The following RBM26 variants were observed in gnomAD, a reference collection of about 807,000 sequenced individuals.
The protein encoded by RBM26 is RNA binding motif protein 26, also known as RNA-binding protein 26.
Under a neutral mutation model 123.6 loss-of-function variants are expected in RBM26, and 30 were observed. The ratio of observed to expected loss-of-function variants is 0.24; its 90% confidence interval spans 0.18 to 0.33. The LOEUF is 0.33. Among genes scored for constraint, RBM26 ranks in the 10% least tolerant of loss-of-function variants. The pLI is 1.00. For synonymous variants in RBM26, 400 were observed against 404.4 expected (o/e 0.99, Z 0.13); for missense variants, 947 against 1,203.6 (o/e 0.79, Z 3.15).
At position 79,346,110 on chromosome 13, in the gene RBM26, T is replaced by C. The variant is rs373849472; in HGVS notation, c.2059-1316A>G. 3.4e-4 allele frequency among the ~76,000 whole-genome samples: 52 copies of C among 152,232 alleles called. No homozygotes were observed. The South Asian group carries it at 9.5e-3, about 28-fold the overall frequency. On this transcript the variant is annotated intron_variant, in intron 14 of 21. Transcript: ENST00000438737. ...TAAAAGAACTACTCAAGTTTAAGAGTATAAATGAGAAAAGTGGCCCTATTT... is the reference window on the plus strand; with the variant it reads ...TAAAAGAACTACTCAAGTTTAAGAGCATAAATGAGAAAAGTGGCCCTATTT...
Position 79,337,237 on chromosome 13 carries a change from T to A in RBM26, c.2598A>T (p.Ala866=). The A allele has an allele frequency of 6.2e-7, 1 of 1,614,176 alleles. No homozygotes were observed. Residue 866 remains alanine, a synonymous_variant, in exon 19 of 22, where the codon GCA becomes GCT. Coordinates refer to ENST00000438737, the MANE Select transcript of RBM26 (RefSeq NM_001366735.2). ...CTCGCCCCCTGCCTCGGCCATGAAC[T>A]GCACCTCGACCTCTTGAATGAATTC... is the stretch of plus-strand genomic sequence containing the variant. ...GRGIHSRGRG[A]VHGRGRGRGR... is the part of the protein sequence containing the mutation.
intron 1 of RBM26, among the ~76,000 whole-genome samples, chr13:79,403,725 T>C (rs190413273): frequency 2.0e-5 from 3 of 152,152 alleles, no homozygotes; most frequent in Non-Finnish European, 4.4e-5. Flanking sequence ...AGCCAGACAT[T>C]CTGCTCCAGA....
chr13:79,393,877 C>G (rs2078317735), intron 1 of RBM26, among the ~76,000 whole-genome samples: 1 of 152,186 alleles, frequency 6.6e-6, no homozygotes, highest in Non-Finnish European at 1.5e-5. Context: ...ATCAGCTTTT[C>G]TCCAAGAAGC....
At position 79,319,409 on chromosome 13, in the gene RBM26, T is replaced by C; in HGVS notation, c.*1212A>G. On this transcript the variant is annotated 3_prime_UTR_variant, in exon 22 of 22. Transcript: ENST00000438737. ...ATTTCCTGGAAACTGCCATATCAAC[T>C]TTCAATGATCATGTTCACTTGCAAA... The C allele has an allele frequency of 3.0e-6, 3 of 984,604 alleles. No homozygotes were observed. The highest frequency in any genetic ancestry group is 2.4e-6 in the Non-Finnish European group (2 of 829,402). The allele number at this position is 984,604 out of a possible 1,614,324, so 61.0% of individuals were successfully genotyped here.
In RBM26 at chr13:79,337,268, C is replaced by G. The variant is rs1199102365; in HGVS notation, c.2567G>C (p.Gly856Ala). 1 of 1,614,018 alleles carries G rather than the reference C, an allele frequency of 6.2e-7. No homozygotes were observed. Among genetic ancestry groups the G allele is most frequent in the Admixed American group, 1.7e-5 (1 of 60,000 alleles). ...TCGACCTCTTGAATGAATTCCTCTGCCCCGACCAGATGAAAGAATCCCTCG... is the reference window on the plus strand; with the variant it reads ...TCGACCTCTTGAATGAATTCCTCTGGCCCGACCAGATGAAAGAATCCCTCG... ...AKRGILSSGR[G>A]RGIHSRGRGA... The change falls in exon 19 of 22, where the codon GGC becomes GCC. Residue 856 changes from glycine to alanine, a missense_variant. Physicochemically the swap from Gly to Ala is moderately conservative, Grantham distance 60. Transcript: ENST00000438737.
At chr13:79,400,431 G>A (rs1450024482) in intron 1 of RBM26, among the ~76,000 whole-genome samples, 1 of 152,162 alleles carries the variant, frequency 6.6e-6, no homozygotes, top group East Asian at 1.9e-4. Flanking sequence ...GAGGGGCAGA[G>A]GCAAAACCTA....
At chr13:79,365,944 A>G in intron 8 of RBM26, 111 bp downstream of exon 8, 1 of 1,127,092 alleles carries the variant, frequency 8.9e-7, no homozygotes, top group Non-Finnish European at 1.3e-6. Flanking sequence ...CCACGGCTAC[A>G]TAATTTTAGT....
chr13:79,354,294 AAC>A (rs1491093607), intron 13 of RBM26, 143 bp downstream of exon 13: 57 of 605,170 alleles, frequency 9.4e-5, no homozygotes, highest in African/African-American at 8.5e-4. Flanking sequence ...AAAAAAAAAA[AAC>A]AACCTTATAG....
chr13:79,368,693 T>C (rs1263645996), intron 6 of RBM26, 37 bp downstream of exon 6: 4 of 1,575,120 alleles, frequency 2.5e-6, no homozygotes, highest in East Asian at 4.5e-5. Flanking sequence ...GCTGGAAATA[T>C]TAATTAAATA....
At chr13:79,378,106 C>T (rs1195104740) in intron 2 of RBM26, among the ~76,000 whole-genome samples, 3 of 152,192 alleles carry the variant, frequency 2.0e-5, no homozygotes, top group East Asian at 1.9e-4. Flanking sequence ...TTCTCCACAT[C>T]GCCTACTCAG....
intron 20 of RBM26, among the ~76,000 whole-genome samples, chr13:79,322,933 A>G (rs1484954588): frequency 8.6e-5 from 13 of 151,544 alleles, no homozygotes; most frequent in African/African-American, 3.1e-4. Flanking sequence ...TATAATTATT[A>G]ATCTTTAATA....
intron 1 of RBM26, among the ~76,000 whole-genome samples, chr13:79,381,128 C>CTAT (rs748688652): frequency 4.2e-4 from 64 of 152,024 alleles, no homozygotes; most frequent in Non-Finnish European, 5.3e-4. Context: ...ATTTTACATA[C>CTAT]TATATTGGGC....
chr13:79,359,293 C>CT (rs2074387493), intron 10 of RBM26, among the ~76,000 whole-genome samples: 1 of 152,158 alleles, frequency 6.6e-6, no homozygotes, highest in East Asian at 1.9e-4. Context: ...CTGTATATAG[C>CT]TAGTATTCAA....
intron 20 of RBM26, among the ~76,000 whole-genome samples, chr13:79,329,714 C>T (rs1042861097): frequency 6.6e-6 from 1 of 152,096 alleles, no homozygotes; most frequent in Admixed American, 6.5e-5. Context: ...TAACACCAAT[C>T]AAGCTATATC....
chr13:79,386,299 C>T (rs2077472014), intron 1 of RBM26, among the ~76,000 whole-genome samples: 2 of 151,346 alleles, frequency 1.3e-5, no homozygotes, highest in Non-Finnish European at 2.9e-5. Flanking sequence ...GACACAGATA[C>T]ATAGTTGGAA....
downstream of RBM26, among the ~76,000 whole-genome samples, chr13:79,318,237 C>T (rs575736397): frequency 2.5e-4 from 37 of 147,034 alleles, no homozygotes; most frequent in Middle Eastern, 3.4e-3. Context: ...AGGAAAGCAG[C>T]AGCATCAACG....
chr13:79,404,579 T>C (rs138278522), intron 1 of RBM26, among the ~76,000 whole-genome samples: 89 of 152,324 alleles, frequency 5.8e-4, no homozygotes, highest in African/African-American at 2.1e-3. Context: ...CAAGGCTCTT[T>C]CCAGCCACAG....
rs181456205 is a variant in RBM26 at position 79,379,026 on chromosome 13, C to T, written c.72-119G>A. On this transcript the variant is annotated intron_variant, in intron 1 of 21. Coordinates refer to ENST00000438737, the MANE Select transcript of RBM26 (RefSeq NM_001366735.2). ...TGAGTTAATACATGTAAAAAGCACC[C>T]GGGTCACAGAGGACCTTGAAGAAAT... 8,794 of 644,850 alleles carry T rather than the reference C, an allele frequency of 0.014. 86 individuals are homozygous for T. Among genetic ancestry groups the T allele is most frequent in the Non-Finnish European group, 0.018 (6,632 of 364,524 alleles). The allele number at this position is 644,850 out of a possible 1,614,324, so 39.9% of individuals were successfully genotyped here.
At chr13:79,372,597 C>T (rs2076011339) in intron 3 of RBM26, among the ~76,000 whole-genome samples, 1 of 149,330 alleles carries the variant, frequency 6.7e-6, no homozygotes, top group East Asian at 1.9e-4. Context: ...GTTTTGGTTT[C>T]GTGGACTTGG....
Sources: allele counts gnomAD v4.1 joint callset (sites outside exome capture counted in the v4.1 genomes callset), GRCh38; gene constraint gnomAD v4.1.1; transcripts MANE v1.5; gene names NCBI Gene and HGNC (gene_info 2026-07-23, HGNC 2026-07-21).